The following BCL2 variants were observed in gnomAD, a reference collection of about 807,000 sequenced individuals.
BCL2 encodes BCL2 apoptosis regulator, also known as apoptosis regulator Bcl-2.
In BCL2, 1 loss-of-function variant was observed where a neutral mutation model predicts 14.2. The observed-to-expected ratio is 0.07, with a 90% CI of 0.02 to 0.33. The LOEUF (loss-of-function observed/expected upper bound fraction) is 0.33. Ranked by LOEUF, BCL2 falls within the 10% of genes least tolerant of loss-of-function variation. BCL2 has a pLI of 0.99. For missense variants in BCL2, 247 were observed against 305.9 expected, an observed-to-expected ratio of 0.81 and a Z score of 1.44; for synonymous variants, 151 against 137.2, an observed-to-expected ratio of 1.10 and a Z score of -0.70.
chr18:63,197,676 G>A (rs1909485638), intron 2 of BCL2, among the ~76,000 whole-genome samples: 1 of 152,064 alleles, frequency 6.6e-6, no homozygotes, highest in Non-Finnish European at 1.5e-5. Context: ...GGAGAGAAAG[G>A]AGGAAGAAAG....
At chr18:63,168,104 TGG>T (rs1367390331) in intron 2 of BCL2, among the ~76,000 whole-genome samples, 4 of 152,178 alleles carry the variant, frequency 2.6e-5, no homozygotes, top group African/African-American at 4.8e-5. Context: ...CTGGCTGGAA[TGG>T]GCAGGTGGTT....
chr18:63,255,233 C>A (rs969446899), intron 2 of BCL2, among the ~76,000 whole-genome samples: 12 of 152,214 alleles, frequency 7.9e-5, no homozygotes, highest in African/African-American at 2.9e-4. Flanking sequence ...CATAACTTTT[C>A]TGTGGTATAT....
intron 2 of BCL2, among the ~76,000 whole-genome samples, chr18:63,187,645 C>A (rs1212610676): frequency 6.6e-6 from 1 of 152,118 alleles, no homozygotes; most frequent in Non-Finnish European, 1.5e-5. Flanking sequence ...GAATAAAGAA[C>A]AGGTGAAGGG....
chr18:63,205,563 G>C (rs1302071578), intron 2 of BCL2, among the ~76,000 whole-genome samples: 1 of 151,922 alleles, frequency 6.6e-6, no homozygotes, highest in East Asian at 1.9e-4. Flanking sequence ...TCATGATCTG[G>C]GCTCATGAAT....
At chr18:63,211,970 G>A (rs1156992365) in intron 2 of BCL2, among the ~76,000 whole-genome samples, 1 of 152,196 alleles carries the variant, frequency 6.6e-6, no homozygotes, top group East Asian at 1.9e-4. Flanking sequence ...AGGGAGGATG[G>A]TGTTCATGAA....
chr18:63,130,849 C>A (rs2332673), intron 2 of BCL2, among the ~76,000 whole-genome samples: 137,933 of 152,202 alleles, frequency 0.91, 63,014 homozygotes, highest in Non-Finnish European at 0.97. Context: ...TGCTTCCAGA[C>A]ATCATGAAGG....
chr18:63,145,355 G>A (rs1377789535), intron 2 of BCL2, among the ~76,000 whole-genome samples: 1 of 118,952 alleles, frequency 8.4e-6, no homozygotes, highest in East Asian at 2.5e-4. Context: ...GGATACAGGG[G>A]GCTTCCCTGG....
chr18:63,261,698 C>T (rs963775964), intron 2 of BCL2, among the ~76,000 whole-genome samples: 2 of 152,118 alleles, frequency 1.3e-5, no homozygotes, highest in African/African-American at 2.4e-5. Context: ...ATAAAATGTC[C>T]TATCCTGTCT....
chr18:63,139,763 C>T (rs1914306627), intron 2 of BCL2, among the ~76,000 whole-genome samples: 1 of 152,106 alleles, frequency 6.6e-6, no homozygotes. Flanking sequence ...ATTCCATTAC[C>T]TTCTTTTGGC....
chr18:63,262,258 C>G lies in BCL2; in HGVS notation c.585+55824G>C, dbSNP rs190522603. Among the ~76,000 whole-genome samples, 111 of 152,330 alleles carry G rather than the reference C, an allele frequency of 7.3e-4. 1 individual carries two copies. The highest frequency in any genetic ancestry group is 7.7e-4 in the East Asian group (4 of 5,186). ...TTTGGAGTAAAGGCACAAGTACATTCATTGTACAAGTACAGAATCCAGGAA... is the reference window on the plus strand; with the variant it reads ...TTTGGAGTAAAGGCACAAGTACATTGATTGTACAAGTACAGAATCCAGGAA... On this transcript the variant is annotated intron_variant, in intron 2 of 2. Transcript: ENST00000333681.
At chr18:63,209,150 A>C (rs1465400947) in intron 2 of BCL2, among the ~76,000 whole-genome samples, 1 of 152,218 alleles carries the variant, frequency 6.6e-6, no homozygotes, top group African/African-American at 2.4e-5. Context: ...ACAGTGTGGT[A>C]GGGTCCTTCG....
chr18:63,192,960 T>C (rs1012518524), intron 2 of BCL2, among the ~76,000 whole-genome samples: 3 of 152,214 alleles, frequency 2.0e-5, no homozygotes, highest in Non-Finnish European at 4.4e-5. Flanking sequence ...TCTACAGCCA[T>C]ACTTGTTTCA....
intron 2 of BCL2, among the ~76,000 whole-genome samples, chr18:63,243,814 C>T (rs1239424555): frequency 2.6e-5 from 4 of 152,198 alleles, no homozygotes; most frequent in Non-Finnish European, 5.9e-5. Context: ...AATCTAATAT[C>T]GAGATAGATG....
chr18:63,240,003 G>T (rs1013197553), intron 2 of BCL2, among the ~76,000 whole-genome samples: 4 of 152,034 alleles, frequency 2.6e-5, no homozygotes, highest in African/African-American at 9.7e-5. Context: ...TTGTTTGTTT[G>T]TTTTAAGACA....
chr18:63,248,424 A>T lies in BCL2; in HGVS notation c.585+69658T>A, dbSNP rs75930825. 9.0e-3 allele frequency among the ~76,000 whole-genome samples: 1,365 copies of T among 152,350 alleles called. 12 individuals carry two copies. The highest frequency in any genetic ancestry group is 0.044 in the East Asian group (229 of 5,186). ...GTTTTTAGACTTCTCGCCTTAGATT[A>T]TATTTTGACTTTAAGGCCAAGTGTA... On this transcript the variant is annotated intron_variant, in intron 2 of 2. Transcript: ENST00000333681.
chr18:63,223,085 G>C (rs571350411), intron 2 of BCL2, among the ~76,000 whole-genome samples: 1 of 152,188 alleles, frequency 6.6e-6, no homozygotes, highest in Non-Finnish European at 1.5e-5. Context: ...GGAACTGTGC[G>C]GAAGGGAGAT....
In BCL2 at chr18:63,126,237, A is replaced by T; in HGVS notation, c.*2388T>A. ...CCGGGGAGGTCTGGCTTCATACCAC[A>T]GGTTTCCTGCTTTCTTGGTGGAGCG... On this transcript the variant is annotated 3_prime_UTR_variant, in exon 3 of 3. Coordinates refer to ENST00000333681, the MANE Select transcript of BCL2 (RefSeq NM_000633.3). The T allele has an allele frequency of 4.6e-6, 1 of 219,088 alleles. No individual in the cohort carries two copies. The highest frequency in any genetic ancestry group is 9.2e-6 in the Non-Finnish European group (1 of 108,746). 13.6% of individuals were successfully genotyped at this position (219,088 alleles called of 1,614,324 possible).
At chr18:63,275,352 C>T (rs143805393) in intron 2 of BCL2, among the ~76,000 whole-genome samples, 138 of 152,192 alleles carry the variant, frequency 9.1e-4, no homozygotes, top group Middle Eastern at 3.4e-3. Flanking sequence ...TCAGCAACAA[C>T]AATGCCTTTC....
chr18:63,311,706 C>T (rs924647063), intron 2 of BCL2, among the ~76,000 whole-genome samples: 3 of 152,134 alleles, frequency 2.0e-5, no homozygotes, highest in Non-Finnish European at 4.4e-5. Context: ...TCCCCATTGA[C>T]GCATGTGGCC....
Sources: allele counts gnomAD v4.1 joint callset (sites outside exome capture counted in the v4.1 genomes callset), GRCh38; gene constraint gnomAD v4.1.1; transcripts MANE v1.5; gene names NCBI Gene and HGNC (gene_info 2026-07-23, HGNC 2026-07-21).